CD101: variants seen among roughly 807,000 people sequenced by gnomAD.
CD101 encodes CD101 molecule.
Under a neutral mutation model 98.2 loss-of-function variants are expected in CD101, and 76 were observed. That is an observed-to-expected ratio of 0.77 (90% CI 0.64 to 0.94). The LOEUF (loss-of-function observed/expected upper bound fraction) is 0.94. Ranked by LOEUF, CD101 falls within the 40% of genes least tolerant of loss-of-function variation. The pLI is 0.00. For synonymous variants in CD101, 471 were observed against 472.7 expected (o/e 1.00, Z 0.05); for missense variants, 1,145 against 1,218.8 (o/e 0.94, Z 0.90).
chr1:117,010,381 A>C lies in CD101; in HGVS notation c.424+151A>C. 2.7e-6 allele frequency: 2 copies of C among 727,460 alleles called. No individual in the cohort carries two copies. Among genetic ancestry groups the C allele is most frequent in the Non-Finnish European group, 4.4e-6 (2 of 452,130 alleles). The allele number at this position is 727,460 out of a possible 1,614,324, so 45.1% of individuals were successfully genotyped here. A position where few individuals can be genotyped will look rare whatever the true frequency, so the allele number is the denominator to read the frequency against. ...CCTGTGGATATTTTGGAGATATGTCACAAGTGGGTATCTCATATTCTCTAA... is the reference window on the plus strand; with the variant it reads ...CCTGTGGATATTTTGGAGATATGTCCCAAGTGGGTATCTCATATTCTCTAA... On this transcript the variant is annotated intron_variant, in intron 2 of 9. Transcript: ENST00000682167. This position sits in a 1 kb window ranked among gnomAD's most constrained non-coding sequence, Gnocchi z 5.2.
chr1:117,003,970 CTT>C (rs1204453592), intron 1 of CD101, among the ~76,000 whole-genome samples: 2 of 152,296 alleles, frequency 1.3e-5, no homozygotes, highest in East Asian at 1.9e-4. Context: ...CAAATTTACA[CTT>C]TGTCCCAATT....
chr1:117,032,557 A>G (rs552280659), intron 8 of CD101: 6 of 152,362 alleles, frequency 3.9e-5, no homozygotes, highest in Admixed American at 6.5e-5. Flanking sequence ...ATCTCTAAGC[A>G]TCCATAATCC....
rs1395264775 is a variant in CD101 at position 117,012,455 on chromosome 1, C to G, written c.841+489C>G. On this transcript the variant is annotated intron_variant, in intron 3 of 9. Transcript: ENST00000682167. The surrounding 1 kb of genome is among the most constrained non-coding windows in gnomAD (Gnocchi z 4.0). Reference sequence around the variant, plus strand: ...AGCCCACTCAGCACAGACAGCTGGGCCTCAAAGTAGCTCCAGTTTCCAACA... The same window carrying G: ...AGCCCACTCAGCACAGACAGCTGGGGCTCAAAGTAGCTCCAGTTTCCAACA... Among the ~76,000 whole-genome samples the G allele has an allele frequency of 6.6e-6, 1 of 152,226 alleles. No individual in the cohort carries two copies. Among genetic ancestry groups the G allele is most frequent in the Admixed American group, 6.5e-5 (1 of 15,286 alleles).
chr1:117,004,066 G>T lies in CD101; in HGVS notation c.43+2206G>T, dbSNP rs758446030. ...TAATGTCATGGGTAAATGAGTTCTC[G>T]GATTTAGCAGTTAGCTTTGTCTGCT... is the stretch of plus-strand genomic sequence containing the variant. On this transcript the variant is annotated intron_variant, in intron 1 of 9. Coordinates refer to ENST00000682167, the MANE Select transcript of CD101 (RefSeq NM_001256106.3). The surrounding 1 kb of genome is among the most constrained non-coding windows in gnomAD (Gnocchi z 4.1). Among the ~76,000 whole-genome samples, 1 of 152,058 alleles carries T rather than the reference G, an allele frequency of 6.6e-6. No individual in the cohort carries two copies. Among genetic ancestry groups the T allele is most frequent in the Non-Finnish European group, 1.5e-5 (1 of 68,026 alleles).
At position 117,025,521 on chromosome 1, in the gene CD101, G is replaced by C; in HGVS notation, c.2441G>C (p.Arg814Pro). 1 of 1,555,474 alleles carries C rather than the reference G, an allele frequency of 6.4e-7. No individual in the cohort carries two copies. The change falls in exon 8 of 10, where the codon CGT (arginine) becomes CCT (proline). Residue 814 changes from arginine (R) to proline (P), a missense_variant. Coordinates refer to ENST00000682167, the MANE Select transcript of CD101 (RefSeq NM_001256106.3). Reference protein sequence around the residue: ...LKLKPTGSKVRVSKVYWTENV... With the variant: ...LKLKPTGSKVPVSKVYWTENV... The stretch of plus-strand genomic sequence containing the variant: ...TTTTATTTTCTAGGAAGTAAGGTAC[G>C]TGTCTCCAAAGTGTACTGGACCGAA...
chr1:117,024,827 G>A (rs1653803919), intron 7 of CD101, among the ~76,000 whole-genome samples: 1 of 152,190 alleles, frequency 6.6e-6, no homozygotes, highest in Non-Finnish European at 1.5e-5. Context: ...AGGGGTACTG[G>A]TGGAATACAT....
chr1:117,027,436 G>C (rs1654011826), intron 8 of CD101, among the ~76,000 whole-genome samples: 1 of 152,342 alleles, frequency 6.6e-6, no homozygotes, highest in East Asian at 1.9e-4. Context: ...GGGGTGAAGT[G>C]CTAGGTAGGG....
rs1186918274 is a variant in CD101, at chr1:117,033,776, A to G, written c.2825-84A>G. ...TTATTTTTACATATACTTGCCTATAACAATAAATCCCAGGAGTGTTTGTAA... is the reference window on the plus strand; with the variant it reads ...TTATTTTTACATATACTTGCCTATAGCAATAAATCCCAGGAGTGTTTGTAA... On this transcript the variant is annotated intron_variant, in intron 8 of 9. Coordinates refer to ENST00000682167, the MANE Select transcript of CD101 (RefSeq NM_001256106.3). This position sits in a 1 kb window ranked among gnomAD's most constrained non-coding sequence, Gnocchi z 4.8. The G allele has an allele frequency of 3.8e-6, 6 of 1,570,318 alleles. No homozygotes were observed. The South Asian group carries it at 4.7e-5, about 12-fold the overall frequency.
At chr1:117,034,931 G>C (rs531708785) in intron 9 of CD101, among the ~76,000 whole-genome samples, 2 of 152,184 alleles carry the variant, frequency 1.3e-5, no homozygotes, top group South Asian at 4.2e-4. Flanking sequence ...TATTTTCTTT[G>C]ACCTGACAGC....
At chr1:117,032,565 T>A (rs1288054389) in intron 8 of CD101, 1 of 152,236 alleles carries the variant, frequency 6.6e-6, no homozygotes, top group African/African-American at 2.4e-5. Context: ...GCATCCATAA[T>A]CCCATGAATC....
At chr1:117,011,368 G>C (rs1387587382) in intron 2 of CD101, among the ~76,000 whole-genome samples, 182 bp from the exon 3 acceptor site, 1 of 152,162 alleles carries the variant, frequency 6.6e-6, no homozygotes, top group Non-Finnish European at 1.5e-5. Context: ...TCCGTAGACT[G>C]TACCTAGATG....
chr1:117,009,018 T>G (rs74517097), intron 1 of CD101, among the ~76,000 whole-genome samples: 3,105 of 152,346 alleles, frequency 0.02, 56 homozygotes, highest in Middle Eastern at 0.058. Context: ...GCTTTTTGAT[T>G]TCTGAAAAAT....
At position 117,021,602 on chromosome 1, in the gene CD101, C is replaced by A. The variant is rs1653585682; in HGVS notation, c.2047C>A (p.Gln683Lys). The A allele has an allele frequency of 6.3e-7, 1 of 1,584,768 alleles. No homozygotes were observed. Among genetic ancestry groups the A allele is most frequent in the East Asian group, 2.2e-5 (1 of 44,706 alleles). Residue 683 changes from glutamine (Q) to lysine (K), a missense_variant, in exon 7 of 10, where the codon CAA (glutamine) becomes AAA (lysine). Gln to Lys is a moderately conservative substitution (Grantham distance 53). Transcript: ENST00000682167. This position sits in a 1 kb window ranked among gnomAD's most constrained non-coding sequence, Gnocchi z 4.7. ...ESKLKVNSRS[Q>K]VQELSINSNT... is the part of the protein sequence containing the mutation. ...CAAGCTAAAAGTGAATTCAAGGAGT[C>A]AAGTCCAAGAGCTCTCCATCAACTC...
At position 117,018,281 on chromosome 1, in the gene CD101, C is replaced by T; in HGVS notation, c.1738C>T (p.Gln580Ter). ...DLKVPLTVTW[Q>*]FQPASSHIFH... ...CAAGGTGCCACTCACTGTGACGTGG[C>T]AGTTCCAGCCAGCTAGCTCTCACAT... Residue 580 changes from glutamine to a stop codon, truncating the protein, a stop_gained, in exon 6 of 10, where the codon CAG (glutamine) becomes TAG (stop). Transcript: ENST00000682167. LOFTEE classifies it high-confidence loss of function. The surrounding 1 kb of genome is among the most constrained non-coding windows in gnomAD (Gnocchi z 4.3). 1 of 1,614,192 alleles carries T rather than the reference C, an allele frequency of 6.2e-7. No individual in the cohort carries two copies.
chr1:117,034,043 A>C lies in CD101; in HGVS notation c.3008A>C (p.Glu1003Ala). The change falls in exon 9 of 10, where the codon GAG (glutamate) becomes GCG (alanine). Residue 1003 changes from glutamate to alanine, a missense_variant. Physicochemically the swap from Glu to Ala is moderately radical, Grantham distance 107. Transcript: ENST00000682167. ...AAAGCTCTCTGGGTGGACTTGAAAG[A>C]GGCTGGAGGTGTGACCACAAATAGG... ...KEKALWVDLKEAGGVTTNRRE... is the reference protein window; with the variant it reads ...KEKALWVDLKAAGGVTTNRRE... 6.2e-7 allele frequency: 1 copy of C among 1,614,166 alleles called. No homozygotes were observed. The highest frequency in any genetic ancestry group is 8.5e-7 in the Non-Finnish European group (1 of 1,180,026).
rs1653264698 is a variant in CD101 at position 117,017,090 on chromosome 1, C to T, written c.1229C>T (p.Ala410Val). 3.7e-6 allele frequency: 6 copies of T among 1,611,856 alleles called. No individual in the cohort carries two copies. Among genetic ancestry groups the T allele is most frequent in the Non-Finnish European group, 5.1e-6 (6 of 1,178,612 alleles). ...DSHVHLRKPA[A>V]RSVVMSTKNK... ...TTCTTCTATAATCTGTAACTCACAG[C>T]AAGAAGTGTGGTCATGTCTACCAAG... The change falls in exon 5 of 10, where the codon GCA (alanine) becomes GTA (valine). Residue 410 changes from alanine (A) to valine (V), a missense_variant and splice_region_variant. Physicochemically the swap from Ala to Val is moderately conservative, Grantham distance 64. Coordinates refer to ENST00000682167, the MANE Select transcript of CD101 (RefSeq NM_001256106.3).
At position 117,003,072 on chromosome 1, in the gene CD101, G is replaced by A. The variant is rs183765872; in HGVS notation, c.43+1212G>A. On this transcript the variant is annotated intron_variant, in intron 1 of 9. Coordinates refer to ENST00000682167, the MANE Select transcript of CD101 (RefSeq NM_001256106.3). ...TGGGAGAATCGCTTGAACCTGGGAGGTGGAGGTTGCAGTGAGCCAAGATTG... is the reference window on the plus strand; with the variant it reads ...TGGGAGAATCGCTTGAACCTGGGAGATGGAGGTTGCAGTGAGCCAAGATTG... Among the ~76,000 whole-genome samples, 446 of 152,276 alleles carry A rather than the reference G, an allele frequency of 2.9e-3. 2 individuals carry two copies. The highest frequency in any genetic ancestry group is 4.6e-3 in the South Asian group (22 of 4,820).
rs1417850100 is a variant in CD101 at position 117,022,900 on chromosome 1, C to T, written c.2428+917C>T. Among the ~76,000 whole-genome samples, 2 of 152,182 alleles carry T rather than the reference C, an allele frequency of 1.3e-5. No homozygotes were observed. The highest frequency in any genetic ancestry group is 4.8e-5 in the African/African-American group (2 of 41,428). On this transcript the variant is annotated intron_variant, in intron 7 of 9. Transcript: ENST00000682167. This position sits in a 1 kb window ranked among gnomAD's most constrained non-coding sequence, Gnocchi z 4.8. ...CCCTCTGGCTTCCCTTCTGTATGTT[C>T]TTCAAGCCCCTTCTTCTCCCTGCTA... is the stretch of plus-strand genomic sequence containing the variant.
chr1:117,030,255 G>A (rs965961620), intron 8 of CD101, among the ~76,000 whole-genome samples: 13 of 151,954 alleles, frequency 8.6e-5, no homozygotes, highest in Non-Finnish European at 1.8e-4. Flanking sequence ...GTTGATGCAC[G>A]CCTGTAGTAC....
Sources: gnomAD v4.1 joint callset for allele counts (sites outside exome capture counted in the v4.1 genomes callset) on GRCh38, gnomAD v4.1.1 for gene constraint, Gnocchi (gnomAD v3.1) non-coding constraint, MANE v1.5 for transcripts, NCBI Gene and HGNC (gene_info 2026-07-23, HGNC 2026-07-21) for gene names.